SIPA1L1: variants seen among roughly 807,000 people sequenced by gnomAD.
The protein encoded by SIPA1L1 is signal induced proliferation associated 1 like 1.
A neutral mutation model predicts 162.7 loss-of-function variants in SIPA1L1; 26 were observed. The observed-to-expected ratio is 0.16, with a 90% confidence interval of 0.12 to 0.22. SIPA1L1 has a LOEUF of 0.22. Ranked by LOEUF, SIPA1L1 falls within the 10% of genes least tolerant of loss-of-function variation. The pLI, the probability that SIPA1L1 is intolerant of heterozygous loss-of-function variation, is 1.00. For synonymous variants in SIPA1L1, 829 were observed against 837.4 expected (o/e 0.99, Z 0.17); for missense variants, 1,874 against 2,241.0 (o/e 0.84, Z 3.31).
intron 20 of SIPA1L1, 41 bp from the exon 21 acceptor site, chr14:71,733,625 A>C (rs1203370016): frequency 6.2e-7 from 1 of 1,600,784 alleles, no homozygotes; most frequent in Non-Finnish European, 8.5e-7. Flanking sequence ...TGGCTCTTCC[A>C]CAGGCACAAG....
intron 2 of SIPA1L1, chr14:71,448,965 G>T (rs2045614926): frequency 6.6e-6 from 1 of 152,222 alleles, no homozygotes; most frequent in Admixed American, 6.5e-5. Flanking sequence ...CTCTTTAAAA[G>T]AATTGTTTTA....
At chr14:71,347,669 A>G (rs1370972174) in intron 2 of SIPA1L1, among the ~76,000 whole-genome samples, 4 of 152,158 alleles carry the variant, frequency 2.6e-5, no homozygotes, top group African/African-American at 9.7e-5. Context: ...CTTTGCCAAC[A>G]CTTGTTACTG....
chr14:71,738,990 A>G, intron 23 of SIPA1L1, 28 bp from the exon 24 acceptor site: 1 of 1,607,834 alleles, frequency 6.2e-7, no homozygotes, highest in Non-Finnish European at 8.5e-7. Context: ...AACACCTCTT[A>G]GCTTTTCTAC....
chr14:71,522,757 G>T lies in SIPA1L1; in HGVS notation c.-361-6555G>T, dbSNP rs541488273. On this transcript the variant is annotated intron_variant, in intron 3 of 23. Transcript: ENST00000381232. ...TGCCCAGGCTGGAGTGCAGTGGCAC[G>T]ATCTCGGCTCACTGCAACCTCTACC... is the stretch of plus-strand genomic sequence containing the variant. Among the ~76,000 whole-genome samples, 3 of 150,310 alleles carry T rather than the reference G, an allele frequency of 2.0e-5. No homozygotes were observed. In the East Asian group the frequency reaches 5.9e-4, roughly 30 times the overall value.
intron 12 of SIPA1L1, among the ~76,000 whole-genome samples, chr14:71,682,342 C>T (rs563858204): frequency 1.8e-4 from 28 of 152,266 alleles, no homozygotes; most frequent in African/African-American, 6.5e-4. Flanking sequence ...GCATTAAAAG[C>T]CAGTTTTTAA....
intron 7 of SIPA1L1, among the ~76,000 whole-genome samples, chr14:71,627,391 C>A (rs1039880360): frequency 6.6e-6 from 1 of 151,888 alleles, no homozygotes; most frequent in Non-Finnish European, 1.5e-5. Flanking sequence ...AGGTGATCCA[C>A]CCTCCTTGGC....
At chr14:71,347,005 G>T (rs2140509760) in intron 2 of SIPA1L1, among the ~76,000 whole-genome samples, 1 of 151,412 alleles carries the variant, frequency 6.6e-6, no homozygotes, top group African/African-American at 2.4e-5. Context: ...AGGCTGGAGT[G>T]CAGTGGTGTG....
intron 4 of SIPA1L1, among the ~76,000 whole-genome samples, chr14:71,544,913 T>G (rs1258093498): frequency 6.6e-6 from 1 of 152,196 alleles, no homozygotes; most frequent in Non-Finnish European, 1.5e-5. Flanking sequence ...TTTTTAGAGA[T>G]GTGCAGTGGC....
chr14:71,620,355 C>T (rs2039301930), intron 6 of SIPA1L1, among the ~76,000 whole-genome samples: 1 of 152,236 alleles, frequency 6.6e-6, no homozygotes, highest in Non-Finnish European at 1.5e-5. Context: ...AGGCGTGAGC[C>T]ACCACACCTG....
intron 5 of SIPA1L1, among the ~76,000 whole-genome samples, chr14:71,615,673 A>T (rs534076929): frequency 1.3e-5 from 2 of 152,284 alleles, no homozygotes; most frequent in Non-Finnish European, 2.9e-5. Context: ...ACTTTTGCAG[A>T]TGTGCGTGGG....
intron 5 of SIPA1L1, among the ~76,000 whole-genome samples, chr14:71,613,589 C>T (rs2038472805): frequency 1.3e-5 from 2 of 152,068 alleles, no homozygotes; most frequent in African/African-American, 4.8e-5. Context: ...TCTTCCCTTC[C>T]CCTGACTTTT....
At chr14:71,544,217 G>GCATGTATGCACATGCATGTA (rs1567181314) in intron 4 of SIPA1L1, among the ~76,000 whole-genome samples, 10 of 151,058 alleles carry the variant, frequency 6.6e-5, no homozygotes, top group African/African-American at 1.7e-4. Context: ...ACATGCATGT[G>GCATGTATGCACATGCATGTA]TATATACATA....
intron 20 of SIPA1L1, among the ~76,000 whole-genome samples, 172 bp downstream of exon 20, chr14:71,730,473 A>G (rs1283560384): frequency 6.6e-6 from 1 of 152,100 alleles, no homozygotes; most frequent in Admixed American, 6.5e-5. Context: ...CCAGACCACC[A>G]TAGTCACCTG....
At chr14:71,472,594 A>C (rs984307761) in intron 2 of SIPA1L1, among the ~76,000 whole-genome samples, 6 of 152,062 alleles carry the variant, frequency 3.9e-5, no homozygotes, top group African/African-American at 1.4e-4. Context: ...GTCATTCAGG[A>C]GACTGATTAT....
At chr14:71,352,204 G>GTT (rs2036787529) in intron 2 of SIPA1L1, among the ~76,000 whole-genome samples, 1 of 151,902 alleles carries the variant, frequency 6.6e-6, no homozygotes, top group Non-Finnish European at 1.5e-5. Context: ...TTCTTTTTGA[G>GTT]ACAGTCTCAC....
intron 3 of SIPA1L1, among the ~76,000 whole-genome samples, chr14:71,528,941 C>T (rs1413321507): frequency 1.3e-5 from 2 of 151,720 alleles, no homozygotes; most frequent in Admixed American, 6.6e-5. Flanking sequence ...GGAGAAACCT[C>T]GTCTCTACTA....
At chr14:71,539,435 T>C (rs1357735082) in intron 4 of SIPA1L1, among the ~76,000 whole-genome samples, 6 of 152,240 alleles carry the variant, frequency 3.9e-5, no homozygotes, top group Admixed American at 1.3e-4. Flanking sequence ...TGGAAAACTA[T>C]TTGCACATTG....
chr14:71,659,819 A>G (rs1483128078), intron 9 of SIPA1L1, among the ~76,000 whole-genome samples: 1 of 152,172 alleles, frequency 6.6e-6, no homozygotes, highest in African/African-American at 2.4e-5. Context: ...TTGGAGTCCA[A>G]TCAAGGCAAA....
At chr14:71,732,632 G>A (rs2150360495) in intron 20 of SIPA1L1, among the ~76,000 whole-genome samples, 1 of 152,308 alleles carries the variant, frequency 6.6e-6, no homozygotes, top group African/African-American at 2.4e-5. Flanking sequence ...TCAACAAAAT[G>A]TCCCCTTAGG....
Sources: allele counts gnomAD v4.1 joint callset (sites outside exome capture counted in the v4.1 genomes callset), GRCh38; gene constraint gnomAD v4.1.1; transcripts MANE v1.5; gene names NCBI Gene and HGNC (gene_info 2026-07-23, HGNC 2026-07-21).